Variants in TENM3 observed in about 807,000 individuals in gnomAD.
TENM3 encodes teneurin-3.
TENM3 carries 63 observed loss-of-function variants against 255.1 expected under a neutral mutation model. The ratio of observed to expected loss-of-function variants is 0.25; its 90% confidence interval spans 0.20 to 0.30. TENM3 has a LOEUF of 0.30. Ranked by LOEUF, TENM3 falls within the 10% of genes least tolerant of loss-of-function variation. The pLI is 1.00. For missense variants in TENM3, 2,929 were observed against 3,461.1 expected, an observed-to-expected ratio of 0.85 and a Z score of 3.86; for synonymous variants, 1,306 against 1,322.3, an observed-to-expected ratio of 0.99 and a Z score of 0.27.
At chr4:182,773,758 T>C (rs1764460381) in intron 23 of TENM3, 111 bp downstream of exon 23, 1 of 906,848 alleles carries the variant, frequency 1.1e-6, no homozygotes, top group Non-Finnish European at 1.7e-6. Flanking sequence ...TGTAAACCTC[T>C]AGAAATATTG....
chr4:182,219,317 G>A (rs746207253), intron 1 of TENM3, among the ~76,000 whole-genome samples: 2 of 152,166 alleles, frequency 1.3e-5, no homozygotes, highest in East Asian at 3.9e-4. Context: ...ATTTCTCCTA[G>A]TTTGAAGGTT....
the TENM3 span, among the ~76,000 whole-genome samples, chr4:181,767,119 G>T: frequency 7.1e-6 from 1 of 141,072 alleles, no homozygotes; most frequent in Non-Finnish European, 1.5e-5. Context: ...GGGCGTGGTG[G>T]CGGGCGCCTG....
chr4:182,368,007 C>A (rs1335074444), intron 3 of TENM3, among the ~76,000 whole-genome samples: 2 of 152,142 alleles, frequency 1.3e-5, no homozygotes, highest in East Asian at 3.9e-4. Context: ...TACCTGTACT[C>A]CAATACCAGC....
At chr4:182,701,210 C>CTTGTTTTTT (rs1757832541) in intron 12 of TENM3, among the ~76,000 whole-genome samples, 1 of 38,644 alleles carries the variant, frequency 2.6e-5, no homozygotes, top group Non-Finnish European at 4.3e-5. Flanking sequence ...CAACTCTTGA[C>CTTGTTTTTT]TTTTTTTTTT....
At chr4:182,530,817 T>C (rs908759269) in intron 3 of TENM3, among the ~76,000 whole-genome samples, 1 of 152,204 alleles carries the variant, frequency 6.6e-6, no homozygotes, top group Non-Finnish European at 1.5e-5. Context: ...AAGTGAATCT[T>C]AGATGTTTGG....
At chr4:181,789,180 A>G in the TENM3 span, among the ~76,000 whole-genome samples, 1 of 152,110 alleles carries the variant, frequency 6.6e-6, no homozygotes, top group Non-Finnish European at 1.5e-5. Context: ...TTTCTGAGTG[A>G]TAGGAGTGTC....
At chr4:181,605,422 C>CTGGAGCGAGACA in the TENM3 span, among the ~76,000 whole-genome samples, 1 of 144,362 alleles carries the variant, frequency 6.9e-6, no homozygotes, top group Non-Finnish European at 1.5e-5. Context: ...CCAGCCTGGG[C>CTGGAGCGAGACA]AACAAAGCGA....
At chr4:181,537,015 C>T in the TENM3 span, among the ~76,000 whole-genome samples, 1 of 152,088 alleles carries the variant, frequency 6.6e-6, no homozygotes, top group African/African-American at 2.4e-5. Context: ...AGTAAGACTT[C>T]CCTTTAACGA....
chr4:181,899,601 C>G, the TENM3 span, among the ~76,000 whole-genome samples: 10 of 151,874 alleles, frequency 6.6e-5, no homozygotes. Context: ...CAGAGTCTCT[C>G]TCTGTCACCA....
the TENM3 span, among the ~76,000 whole-genome samples, chr4:181,571,385 GGAGTGTAGTGATGC>G: frequency 1.3e-5 from 2 of 152,188 alleles, no homozygotes; most frequent in Non-Finnish European, 2.9e-5. Context: ...TGCCCAGGCT[GGAGTGTAGTGATGC>G]GATCATAGTT....
At chr4:181,963,313 T>C in the TENM3 span, among the ~76,000 whole-genome samples, 1 of 152,304 alleles carries the variant, frequency 6.6e-6, no homozygotes, top group East Asian at 1.9e-4. Flanking sequence ...AAGCTTCCAA[T>C]TGCATATTTT....
chr4:181,466,204 G>A, the TENM3 span, among the ~76,000 whole-genome samples: 6 of 148,264 alleles, frequency 4.0e-5, no homozygotes, highest in Non-Finnish European at 7.4e-5. Flanking sequence ...TGCAACCTCC[G>A]CCTCACTGGT....
the TENM3 span, among the ~76,000 whole-genome samples, chr4:181,815,816 G>A: frequency 6.6e-6 from 1 of 152,096 alleles, no homozygotes; most frequent in Admixed American, 6.6e-5. Flanking sequence ...ATGTCTCATG[G>A]CCAAAAGTAA....
the TENM3 span, among the ~76,000 whole-genome samples, chr4:182,120,341 G>A: frequency 1.3e-5 from 2 of 152,112 alleles, no homozygotes; most frequent in African/African-American, 4.8e-5. Context: ...CTAGGTTTGT[G>A]TAATTGCTCT....
chr4:182,295,256 C>CTTTTTTTTTTTTTTTTTTTTT, intron 1 of TENM3, among the ~76,000 whole-genome samples: 1 of 121,536 alleles, frequency 8.2e-6, no homozygotes, highest in Non-Finnish European at 1.7e-5. Flanking sequence ...ATGTGCTTTG[C>CTTTTTTTTTTTTTTTTTTTTT]TTTTCTTTTT....
the TENM3 span, among the ~76,000 whole-genome samples, chr4:182,132,961 T>C: frequency 2.0e-5 from 3 of 152,310 alleles, no homozygotes; most frequent in East Asian, 1.9e-4. Context: ...GAGGACCACA[T>C]GAGACAATGT....
At chr4:181,605,550 GAA>G in the TENM3 span, among the ~76,000 whole-genome samples, 2,830 of 28,436 alleles carry the variant, frequency 0.1, 379 homozygotes, top group Non-Finnish European at 0.15. Context: ...AAGAAAGAAA[GAA>G]AGAAAGAAAG....
the TENM3 span, among the ~76,000 whole-genome samples, chr4:181,810,514 G>C: frequency 6.6e-6 from 1 of 151,852 alleles, no homozygotes; most frequent in Non-Finnish European, 1.5e-5. Flanking sequence ...TGCTGTAATA[G>C]GTTTAGAATC....
intron 4 of TENM3, among the ~76,000 whole-genome samples, chr4:182,618,623 A>T (rs199799629): frequency 1.9e-5 from 1 of 53,612 alleles, no homozygotes; most frequent in African/African-American, 3.8e-5. Flanking sequence ...CATGGGGTTT[A>T]AAAAAAAAAA....
Sources: gnomAD v4.1 joint callset for allele counts (sites outside exome capture counted in the v4.1 genomes callset) on GRCh38, gnomAD v4.1.1 for gene constraint, MANE v1.5 for transcripts, NCBI Gene and HGNC (gene_info 2026-07-23, HGNC 2026-07-21) for gene names.